ANKS1B: variants seen among roughly 807,000 people sequenced by gnomAD.
The protein encoded by ANKS1B is ankyrin repeat and sterile alpha motif domain containing 1B.
Under a neutral mutation model 148.3 loss-of-function variants are expected in ANKS1B, and 36 were observed. That is an observed-to-expected ratio of 0.24 (90% CI 0.19 to 0.32). The LOEUF (loss-of-function observed/expected upper bound fraction) is 0.32. Among genes scored for constraint, ANKS1B ranks in the 10% least tolerant of loss-of-function variants. The pLI is 1.00. For synonymous variants in ANKS1B, 542 were observed against 560.8 expected, an observed-to-expected ratio of 0.97 and a Z score of 0.47; for missense variants, 1,157 against 1,542.6, an observed-to-expected ratio of 0.75 and a Z score of 4.19.
chr12:99,709,504 G>T (rs11609104), intron 8 of ANKS1B, among the ~76,000 whole-genome samples: 29,786 of 152,046 alleles, frequency 0.2, 3,199 homozygotes, highest in Middle Eastern at 0.24. Context: ...TAAGGCTCAC[G>T]ACAACAGATG....
At chr12:99,756,525 C>A (rs1034048989) in intron 8 of ANKS1B, among the ~76,000 whole-genome samples, 1 of 151,976 alleles carries the variant, frequency 6.6e-6, no homozygotes, top group Non-Finnish European at 1.5e-5. Context: ...AGATTCAATA[C>A]TATTCCTATT....
downstream of ANKS1B, among the ~76,000 whole-genome samples, chr12:98,740,904 A>ATG (rs2097795192): frequency 6.6e-6 from 1 of 152,146 alleles, no homozygotes; most frequent in African/African-American, 2.4e-5. Flanking sequence ...TGCCTGGAAT[A>ATG]TGTGTGTGCT....
At chr12:98,938,818 A>C (rs184409555) in intron 17 of ANKS1B, among the ~76,000 whole-genome samples, 6 of 152,356 alleles carry the variant, frequency 3.9e-5, no homozygotes, top group Non-Finnish European at 7.3e-5. Context: ...GCAGAGGATG[A>C]AATTGGGAAG....
At chr12:98,958,000 T>A (rs1238319822) in intron 17 of ANKS1B, among the ~76,000 whole-genome samples, 1 of 152,164 alleles carries the variant, frequency 6.6e-6, no homozygotes, top group Non-Finnish European at 1.5e-5. Context: ...AGGTGGGTAA[T>A]GAGGATGAGC....
intron 8 of ANKS1B, 45 bp from the exon 9 acceptor site, chr12:99,655,255 T>C (rs1235299621): frequency 2.8e-6 from 4 of 1,449,808 alleles, no homozygotes; most frequent in Non-Finnish European, 2.8e-6. Flanking sequence ...ATCAATGATA[T>C]TTAGATATCT....
Position 99,534,710 on chromosome 12 carries a change from C to CTTTTTT in ANKS1B, c.1273-30075_1273-30070dup, listed in dbSNP as rs143251962. ...AAACTTTTTTTTTCTTTTTTCTTTT[C>CTTTTTT]TTTTTTTTTTTTTTTTTGAGATGGA... On this transcript the variant is annotated intron_variant, in intron 9 of 26. Coordinates refer to ENST00000683438, the MANE Select transcript of ANKS1B (RefSeq NM_001352186.2). Among the ~76,000 whole-genome samples the CTTTTTT allele has an allele frequency of 1.2e-4, 15 of 123,810 alleles. 1 individual carries two copies. Among genetic ancestry groups the CTTTTTT allele is most frequent in the South Asian group, 2.6e-4 (1 of 3,916 alleles). 81.2% of individuals were successfully genotyped at this position (123,810 alleles called of 152,430 possible). A position where few individuals can be genotyped will look rare whatever the true frequency, so the allele number is the denominator to read the frequency against.
rs1284287109 is a variant in ANKS1B, at chr12:99,473,581, C to A, written c.1439-29772G>T. Among the ~76,000 whole-genome samples, 4 of 152,054 alleles carry A rather than the reference C, an allele frequency of 2.6e-5. No individual in the cohort carries two copies. In the East Asian group the frequency reaches 7.7e-4, roughly 29 times the overall value. ...ATGAGAATTCCTGTTTTTCTATATC[C>A]TTTACAATACTTGATATTGTCAGAA... On this transcript the variant is annotated intron_variant, in intron 10 of 26. Transcript: ENST00000683438.
intron 17 of ANKS1B, among the ~76,000 whole-genome samples, chr12:98,921,988 GATCTGCCCTTGCA>G (rs2152913762): frequency 6.6e-6 from 1 of 152,278 alleles, no homozygotes; most frequent in East Asian, 1.9e-4. Flanking sequence ...ATGTGAGGGC[GATCTGCCCTTGCA>G]ATTTTCATTA....
intron 16 of ANKS1B, among the ~76,000 whole-genome samples, chr12:99,068,536 A>G (rs2045243633): frequency 6.6e-6 from 1 of 152,214 alleles, no homozygotes; most frequent in African/African-American, 2.4e-5. Flanking sequence ...GATAAGTGCC[A>G]GTTTTTATAA....
chr12:99,371,562 GCACACA>G (rs34852766), intron 12 of ANKS1B, among the ~76,000 whole-genome samples: 1 of 150,082 alleles, frequency 6.7e-6, no homozygotes, highest in South Asian at 2.1e-4. Flanking sequence ...ATACACATGT[GCACACA>G]CACACACACA....
At chr12:99,355,896 T>G (rs1187181755) in intron 12 of ANKS1B, among the ~76,000 whole-genome samples, 1 of 152,110 alleles carries the variant, frequency 6.6e-6, no homozygotes, top group Non-Finnish European at 1.5e-5. Context: ...GTGTTTTATT[T>G]ATATCTTTTA....
rs920876317 is a variant in ANKS1B at position 99,949,622 on chromosome 12, TCAA to T, written c.134+34479_134+34481del. Among the ~76,000 whole-genome samples, 5 of 152,138 alleles carry T rather than the reference TCAA, an allele frequency of 3.3e-5. No homozygotes were observed. The East Asian group carries it at 7.8e-4, about 24-fold the overall frequency. ...TTACTCTCTTATGTTTACATTACAG[TCAA>T]CAACAACAACAAAAAAGACAGCCAA... On this transcript the variant is annotated intron_variant, in intron 1 of 26. Coordinates refer to ENST00000683438, the MANE Select transcript of ANKS1B (RefSeq NM_001352186.2).
chr12:99,508,703 G>A (rs1347312198), intron 9 of ANKS1B, among the ~76,000 whole-genome samples: 1 of 151,400 alleles, frequency 6.6e-6, no homozygotes, highest in Non-Finnish European at 1.5e-5. Context: ...AAACATTTTT[G>A]TTCATATATT....
In ANKS1B at chr12:99,674,412, T is replaced by C. The variant is rs184116117; in HGVS notation, c.1129-19202A>G. On this transcript the variant is annotated intron_variant, in intron 8 of 26. Coordinates refer to ENST00000683438, the MANE Select transcript of ANKS1B (RefSeq NM_001352186.2). ...CTGGACCTGCAAGGAAAGATGGCAA[T>C]ATGAATTTAAAAACCGCTATAAAAT... is the stretch of plus-strand genomic sequence containing the variant. Among the ~76,000 whole-genome samples, 11 of 151,786 alleles carry C rather than the reference T, an allele frequency of 7.2e-5. No homozygotes were observed. In the East Asian group the frequency reaches 2.1e-3, roughly 29 times the overall value.
chr12:99,706,196 T>C (rs1020763747), intron 8 of ANKS1B, among the ~76,000 whole-genome samples: 33 of 151,962 alleles, frequency 2.2e-4, no homozygotes, highest in Non-Finnish European at 2.2e-4. Flanking sequence ...GGGATGTCAA[T>C]AGATAATGTC....
intron 12 of ANKS1B, among the ~76,000 whole-genome samples, chr12:99,393,002 A>G (rs2094126687): frequency 6.6e-6 from 1 of 152,178 alleles, no homozygotes; most frequent in African/African-American, 2.4e-5. Flanking sequence ...ATATCTTTGA[A>G]TTACAACTTT....
intron 12 of ANKS1B, among the ~76,000 whole-genome samples, chr12:99,382,707 AAAAAAAAAAAAGAGAG>A: frequency 1.1e-5 from 1 of 88,426 alleles, no homozygotes; most frequent in Non-Finnish European, 2.3e-5. Flanking sequence ...TAAAAAAAAA[AAAAAAAAAAAAGAGAG>A]AGAGAGAGAG....
intron 12 of ANKS1B, among the ~76,000 whole-genome samples, chr12:99,315,782 T>C (rs982620550): frequency 2.0e-5 from 3 of 152,138 alleles, no homozygotes; most frequent in African/African-American, 7.2e-5. Flanking sequence ...TAACTCATCA[T>C]TTACATTAGG....
At chr12:99,544,127 T>TA (rs149401816) in intron 9 of ANKS1B, among the ~76,000 whole-genome samples, 2,825 of 151,598 alleles carry the variant, frequency 0.019, 47 homozygotes, top group African/African-American at 0.046. Flanking sequence ...TAAAATTCTT[T>TA]AAAAAAAAAC....
Sources: allele counts gnomAD v4.1 joint callset (sites outside exome capture counted in the v4.1 genomes callset), GRCh38; gene constraint gnomAD v4.1.1; transcripts MANE v1.5; gene names NCBI Gene and HGNC (gene_info 2026-07-23, HGNC 2026-07-21).